DNAI4: variants seen among roughly 807,000 people sequenced by gnomAD.
DNAI4 encodes the protein WD repeat domain 78.
Under a neutral mutation model 105.8 loss-of-function variants are expected in DNAI4, and 85 were observed. That is an observed-to-expected ratio of 0.80 (90% CI 0.67 to 0.96). DNAI4 has a LOEUF of 0.96. Among genes scored for constraint, DNAI4 ranks in the 40% least tolerant of loss-of-function variants. DNAI4 has a pLI of 0.00. For missense variants in DNAI4, 1,014 were observed against 1,005.6 expected (o/e 1.01, Z -0.11); for synonymous variants, 352 against 331.5 (o/e 1.06, Z -0.67).
At chr1:66,915,606 CAAAAAGTTTATATTGTAG>C (rs1650006271) in intron 1 of DNAI4, among the ~76,000 whole-genome samples, 2 of 151,330 alleles carry the variant, frequency 1.3e-5, no homozygotes, top group African/African-American at 4.9e-5. Flanking sequence ...ATTTATTTTC[CAAAAAGTTTATATTGTAG>C]AAAAACATTC....
chr1:66,829,311 T>C (rs528392953), intron 13 of DNAI4, among the ~76,000 whole-genome samples: 9 of 152,254 alleles, frequency 5.9e-5, no homozygotes, highest in African/African-American at 2.2e-4. Context: ...CCCAATTATA[T>C]GCTACCTACA....
At chr1:66,894,259 G>A (rs906167942) in intron 2 of DNAI4, among the ~76,000 whole-genome samples, 1 of 152,172 alleles carries the variant, frequency 6.6e-6, no homozygotes, top group Admixed American at 6.5e-5. Flanking sequence ...GGGACAAAAT[G>A]TGGAGGCAGA....
intron 7 of DNAI4, among the ~76,000 whole-genome samples, chr1:66,855,147 A>T (rs1646473725): frequency 6.6e-6 from 1 of 152,230 alleles, no homozygotes; most frequent in Non-Finnish European, 1.5e-5. Flanking sequence ...ACCCAGGGCC[A>T]GCTACCAGAC....
At chr1:66,843,940 A>G (rs1390333262) in intron 8 of DNAI4, among the ~76,000 whole-genome samples, 2 of 151,986 alleles carry the variant, frequency 1.3e-5, no homozygotes, top group Admixed American at 6.6e-5. Context: ...AAATACCTAT[A>G]TTAGACAAGA....
intron 1 of DNAI4, among the ~76,000 whole-genome samples, chr1:66,907,995 G>T (rs962742436): frequency 6.6e-6 from 1 of 152,032 alleles, no homozygotes; most frequent in Non-Finnish European, 1.5e-5. Flanking sequence ...TCCCTCTTGA[G>T]GTTATGGTTA....
rs375958234 is a variant in DNAI4, at chr1:66,851,126, G to T, written c.1097-3448C>A. On this transcript the variant is annotated intron_variant, in intron 7 of 16. Coordinates refer to ENST00000371026, the MANE Select transcript of DNAI4 (RefSeq NM_024763.5). The stretch of plus-strand genomic sequence containing the variant: ...AAATTTATTTCAAATATACAATGTA[G>T]ATAGGTTGAAAGTAAACAAATAAAA... 4.6e-5 allele frequency among the ~76,000 whole-genome samples: 7 copies of T among 151,852 alleles called. No individual in the cohort carries two copies. In the East Asian group the frequency reaches 5.8e-4, roughly 13 times the overall value.
intron 11 of DNAI4, among the ~76,000 whole-genome samples, chr1:66,834,902 G>A (rs1224215618): frequency 6.6e-6 from 1 of 152,092 alleles, no homozygotes; most frequent in Non-Finnish European, 1.5e-5. Flanking sequence ...TAATTTGAAA[G>A]TTAAGTTTAG....
chr1:66,840,466 T>C lies in DNAI4; in HGVS notation c.1494+3A>G. On this transcript the variant is annotated splice_donor_region_variant and intron_variant, in intron 9 of 16. Transcript: ENST00000371026. ...AGAATTGTTCAAATGTTTGATAACT[T>C]ACTGGATTTGTTTTATTCCAGGCAA... is the stretch of plus-strand genomic sequence containing the variant. 1 of 1,610,546 alleles carries C rather than the reference T, an allele frequency of 6.2e-7. No individual in the cohort carries two copies. The highest frequency in any genetic ancestry group is 8.5e-7 in the Non-Finnish European group (1 of 1,176,698).
In DNAI4 at chr1:66,817,685, T is replaced by C. The variant is rs563447407; in HGVS notation, c.2497-3505A>G. Among the ~76,000 whole-genome samples, 12 of 152,332 alleles carry C rather than the reference T, an allele frequency of 7.9e-5. No homozygotes were observed. In the South Asian group the frequency reaches 2.5e-3, roughly 32 times the overall value. ...AGGAAAACTGTAATAATTTAGAATT[T>C]AATGATACAGTAAATCAATGAATTG... On this transcript the variant is annotated intron_variant, in intron 16 of 16. Coordinates refer to ENST00000371026, the MANE Select transcript of DNAI4 (RefSeq NM_024763.5).
intron 7 of DNAI4, among the ~76,000 whole-genome samples, chr1:66,860,475 A>G (rs1646602302): frequency 6.6e-6 from 1 of 151,844 alleles, no homozygotes; most frequent in African/African-American, 2.4e-5. Context: ...AATAAATCTG[A>G]TTATTCAGCT....
rs1455220219 is a variant in DNAI4, at chr1:66,874,812, AG to A, written c.768del (p.Ser257LeufsTer2). The A allele has an allele frequency of 6.2e-7, 1 of 1,612,866 alleles. No homozygotes were observed. The highest frequency in any genetic ancestry group is 8.5e-7 in the Non-Finnish European group (1 of 1,179,560). ...LRFFDLPTVM[V>X]SVESEEAEKV... ...TTCTCAGCTTCTTCAGATTCTACAG[AG>A]ACCATGACTGTGGGCAAGTCAAAAA... On this transcript the variant is annotated frameshift_variant, in exon 5 of 17. Coordinates refer to ENST00000371026, the MANE Select transcript of DNAI4 (RefSeq NM_024763.5). LOFTEE classifies it high-confidence loss of function.
intron 6 of DNAI4, among the ~76,000 whole-genome samples, chr1:66,863,890 A>G (rs1267260837): frequency 2.6e-5 from 4 of 152,204 alleles, no homozygotes; most frequent in Admixed American, 1.3e-4. Flanking sequence ...TACATTTTCC[A>G]TGTTCATGAA....
chr1:66,893,852 TA>T (rs1648075326), intron 2 of DNAI4, among the ~76,000 whole-genome samples: 1 of 152,148 alleles, frequency 6.6e-6, no homozygotes, highest in African/African-American at 2.4e-5. Flanking sequence ...GGACCACATA[TA>T]TGACAGTGGT....
intron 13 of DNAI4, among the ~76,000 whole-genome samples, chr1:66,832,335 G>A (rs1272250892): frequency 6.6e-6 from 1 of 152,140 alleles, no homozygotes; most frequent in Non-Finnish European, 1.5e-5. Context: ...GTAGAATAGA[G>A]GAGCTCAAGT....
chr1:66,868,586 A>C (rs1333970679), intron 6 of DNAI4, among the ~76,000 whole-genome samples: 1 of 152,176 alleles, frequency 6.6e-6, no homozygotes, highest in Non-Finnish European at 1.5e-5. Context: ...CCCTGCCCTC[A>C]GTGCTCCTGG....
intron 5 of DNAI4, among the ~76,000 whole-genome samples, chr1:66,871,810 A>G (rs1646852696): frequency 6.6e-6 from 1 of 152,170 alleles, no homozygotes; most frequent in African/African-American, 2.4e-5. Flanking sequence ...TACTTCTTTG[A>G]TGACCCATGA....
chr1:66,905,341 A>G lies in DNAI4; in HGVS notation c.205T>C (p.Phe69Leu). 2 of 1,521,456 alleles carry G rather than the reference A, an allele frequency of 1.3e-6. No homozygotes were observed. Among genetic ancestry groups the G allele is most frequent in the Non-Finnish European group, 1.8e-6 (2 of 1,121,490 alleles). The allele number at this position is 1,521,456 out of a possible 1,614,324, so 94.2% of individuals were successfully genotyped here. Residue 69 changes from phenylalanine to leucine, a missense_variant, in exon 2 of 17, where the codon TTT becomes CTT. By Grantham distance (22) the Phe-to-Leu change is conservative. Coordinates refer to ENST00000371026, the MANE Select transcript of DNAI4 (RefSeq NM_024763.5). ...GAAGTTGCTTTCATTGTAGCAAAAA[A>G]GCTAATAGACTTCTTTGGTTGTGTG... ...NATQPKKSIS[F>L]FATMKATSVK...
chr1:66,905,525 T>A, intron 1 of DNAI4, 150 bp from the exon 2 acceptor site: 2 of 491,560 alleles, frequency 4.1e-6, no homozygotes, highest in Non-Finnish European at 3.3e-6. Flanking sequence ...TCTTATTATG[T>A]ATAAACATAG....
chr1:66,814,688 T>C (rs1645481365), intron 16 of DNAI4, among the ~76,000 whole-genome samples: 1 of 152,168 alleles, frequency 6.6e-6, no homozygotes, highest in Non-Finnish European at 1.5e-5. Flanking sequence ...TTTAATGAAT[T>C]CCGATAAACG....
Sources: gnomAD v4.1 joint callset for allele counts (sites outside exome capture counted in the v4.1 genomes callset) on GRCh38, gnomAD v4.1.1 for gene constraint, MANE v1.5 for transcripts, NCBI Gene and HGNC (gene_info 2026-07-23, HGNC 2026-07-21) for gene names.